TRRAP: variants seen among roughly 807,000 people sequenced by gnomAD.
The protein encoded by TRRAP is transformation/transcription domain associated protein.
TRRAP carries 41 observed loss-of-function variants against 438.8 expected under a neutral mutation model. The observed-to-expected ratio is 0.09, with a 90% CI of 0.07 to 0.12. The LOEUF (loss-of-function observed/expected upper bound fraction) is 0.12, where lower values mean the gene tolerates loss of function less well. Among genes scored for constraint, TRRAP ranks in the 10% least tolerant of loss-of-function variants. The pLI is 1.00. For missense variants in TRRAP, 3,122 were observed against 5,055.1 expected, an observed-to-expected ratio of 0.62 and a Z score of 11.60; for synonymous variants, 1,994 against 1,962.9, an observed-to-expected ratio of 1.02 and a Z score of -0.42.
At position 98,878,802 on chromosome 7, in the gene TRRAP, C is replaced by T. The variant is rs557934376; in HGVS notation, c.-62+165C>T. On this transcript the variant is annotated intron_variant, in intron 1 of 72. Coordinates refer to ENST00000456197, the MANE Select transcript of TRRAP (RefSeq NM_001375524.1). ...CCAGAGCCCACCTGGGGCTGCGGGG[C>T]CGATGGCGTTTGCGGCCGAGCTGAG... 3.9e-5 allele frequency among the ~76,000 whole-genome samples: 6 copies of T among 152,104 alleles called. No homozygotes were observed. The East Asian group carries it at 7.8e-4, about 20-fold the overall frequency.
In TRRAP at chr7:99,005,677, CTT is replaced by C. The variant is rs1794130289; in HGVS notation, c.10753+333_10753+334del. ...ACTTTCTTAGGACATTATGAGATTTCTTTTTCTTTTTTTTTTTCTTTTTTAGC... is the reference window on the plus strand; with the variant it reads ...ACTTTCTTAGGACATTATGAGATTTCTTTCTTTTTTTTTTTCTTTTTTAGC... On this transcript the variant is annotated intron_variant, in intron 69 of 72. Transcript: ENST00000456197. This position sits in a 1 kb window ranked among gnomAD's most constrained non-coding sequence, Gnocchi z 5.1. 6.8e-6 allele frequency among the ~76,000 whole-genome samples: 1 copy of C among 147,986 alleles called. No homozygotes were observed.
intron 67 of TRRAP, among the ~76,000 whole-genome samples, chr7:98,996,819 A>T (rs1324871052): frequency 6.6e-6 from 1 of 152,196 alleles, no homozygotes; most frequent in Admixed American, 6.5e-5. Flanking sequence ...CAGTTTAAAA[A>T]TGTGATTAGT....
At chr7:98,979,386 A>G (rs1792811811) in intron 58 of TRRAP, among the ~76,000 whole-genome samples, 1 of 152,188 alleles carries the variant, frequency 6.6e-6, no homozygotes, top group African/African-American at 2.4e-5. Flanking sequence ...TAGGTTACTT[A>G]CAGTACCTAA....
intron 53 of TRRAP, among the ~76,000 whole-genome samples, chr7:98,975,302 A>C (rs1792606340): frequency 6.6e-6 from 1 of 152,220 alleles, no homozygotes; most frequent in African/African-American, 2.4e-5. Context: ...AGGACAAATG[A>C]AAGCATAATC....
At chr7:98,977,783 G>C (rs189071724) in intron 56 of TRRAP, among the ~76,000 whole-genome samples, 1 of 152,228 alleles carries the variant, frequency 6.6e-6, no homozygotes, top group Non-Finnish European at 1.5e-5. Flanking sequence ...TGGCCTTGCG[G>C]CTCCTGCTCC....
chr7:98,980,881 C>T (rs1212913596), intron 58 of TRRAP, among the ~76,000 whole-genome samples: 3 of 152,002 alleles, frequency 2.0e-5, no homozygotes, highest in African/African-American at 7.2e-5. Context: ...GCAAGACCCC[C>T]GTTTCTACAA....
chr7:98,923,411 A>G (rs1554410956), intron 21 of TRRAP, among the ~76,000 whole-genome samples: 5 of 152,146 alleles, frequency 3.3e-5, no homozygotes, highest in Non-Finnish European at 4.4e-5. Flanking sequence ...GCTGCAGCAC[A>G]CCTGGTATAG....
At chr7:98,913,971 G>C (rs6465731) in intron 18 of TRRAP, among the ~76,000 whole-genome samples, 135,521 of 152,274 alleles carry the variant, frequency 0.89, 60,400 homozygotes, top group South Asian at 0.94. Flanking sequence ...TAAATAAGAT[G>C]TGTGCATTTG....
Position 98,910,252 on chromosome 7 carries a change from C to T in TRRAP, c.1547C>T (p.Ala516Val). Residue 516 changes from alanine (A) to valine (V), a missense_variant, in exon 15 of 73, where the codon GCC (alanine) becomes GTC (valine). Transcript: ENST00000456197. ...PPPPPPPPPP[A>V]TPVTPAPVPP... ...CCACCCCCGCCCCCACCCCCACCTG[C>T]CACCCCTGTGACCCCGGCCCCCGTG... The T allele has an allele frequency of 6.5e-7, 1 of 1,545,332 alleles. No homozygotes were observed. Among genetic ancestry groups the T allele is most frequent in the Non-Finnish European group, 8.7e-7 (1 of 1,153,086 alleles).
rs1008697888 is a variant in TRRAP, at chr7:98,983,257, C to T, written c.8827-7C>T. 8 of 1,608,184 alleles carry T rather than the reference C, an allele frequency of 5.0e-6. No homozygotes were observed. The highest frequency in any genetic ancestry group is 1.3e-5 in the African/African-American group (1 of 74,806). Reference sequence around the variant, plus strand: ...TACCGCAGAGTCTCTTATGCTGGTCCCATCAGGCAGCCCAGCAAATCATCG... The same window carrying T: ...TACCGCAGAGTCTCTTATGCTGGTCTCATCAGGCAGCCCAGCAAATCATCG... On this transcript the variant is annotated splice_region_variant and splice_polypyrimidine_tract_variant and intron_variant, in intron 59 of 72. Transcript: ENST00000456197.
intron 19 of TRRAP, among the ~76,000 whole-genome samples, chr7:98,916,972 A>G (rs1789545170): frequency 6.6e-6 from 1 of 152,024 alleles, no homozygotes; most frequent in Non-Finnish European, 1.5e-5. Flanking sequence ...TCTCAGTGGC[A>G]CTGTCTCAGG....
intron 57 of TRRAP, 145 bp downstream of exon 57, chr7:98,978,468 C>A: frequency 1.3e-6 from 1 of 789,764 alleles, no homozygotes. Context: ...AACCCAAAAC[C>A]AGCATTTAAA....
At position 98,944,051 on chromosome 7, in the gene TRRAP, C is replaced by T. The variant is rs187191509; in HGVS notation, c.4473+1034C>T. Among the ~76,000 whole-genome samples the T allele has an allele frequency of 1.3e-3, 198 of 152,242 alleles. 1 individual carries two copies. Among genetic ancestry groups the T allele is most frequent in the African/African-American group, 4.5e-3 (186 of 41,542 alleles). On this transcript the variant is annotated intron_variant, in intron 31 of 72. Coordinates refer to ENST00000456197, the MANE Select transcript of TRRAP (RefSeq NM_001375524.1). The stretch of plus-strand genomic sequence containing the variant: ...ATTTTTTTAAAGAAGTGATATGCCA[C>T]GCATGACCCTGTTAAAGGTTTGCTG...
At chr7:98,898,991 C>T (rs1796351037) in intron 8 of TRRAP, among the ~76,000 whole-genome samples, 2 of 152,124 alleles carry the variant, frequency 1.3e-5, no homozygotes. Context: ...AGTTTGAGAC[C>T]AGCCTGGCCA....
Position 98,915,891 on chromosome 7 carries a change from C to T in TRRAP, c.2365+3C>T, listed in dbSNP as rs1554409511. Reference sequence around the variant, plus strand: ...TCTCCTTCCAAACCTCCTGCAAGGTCAGAGCAGTGACTTTGGTTGCCTTTT... The same window carrying T: ...TCTCCTTCCAAACCTCCTGCAAGGTTAGAGCAGTGACTTTGGTTGCCTTTT... On this transcript the variant is annotated splice_donor_region_variant and intron_variant, in intron 19 of 72. Coordinates refer to ENST00000456197, the MANE Select transcript of TRRAP (RefSeq NM_001375524.1). 1.1e-5 allele frequency: 17 copies of T among 1,614,068 alleles called. No homozygotes were observed. The highest frequency in any genetic ancestry group is 1.1e-5 in the South Asian group (1 of 91,052).
chr7:98,972,365 A>G (rs999874675), intron 53 of TRRAP, among the ~76,000 whole-genome samples: 1 of 152,224 alleles, frequency 6.6e-6, no homozygotes. Flanking sequence ...TATAGGAGAA[A>G]ATAGGAAAAA....
rs202193551 is a variant in TRRAP, at chr7:98,910,162, G to C, written c.1457G>C (p.Gly486Ala). ...GGAGCCGTGGAAGCAGCTCTGCCTG[G>C]GGTGCCCACTGCCCCTGCAGCTCCT... ...ELGAVEAALP[G>A]VPTAPAAPGP... is the part of the protein sequence containing the mutation. The change falls in exon 15 of 73, where the codon GGG becomes GCG. Residue 486 changes from glycine to alanine, a missense_variant. Coordinates refer to ENST00000456197, the MANE Select transcript of TRRAP (RefSeq NM_001375524.1). 9 of 1,612,378 alleles carry C rather than the reference G, an allele frequency of 5.6e-6. No homozygotes were observed. The Admixed American group carries it at 1.0e-4, about 18-fold the overall frequency.
chr7:98,893,072 C>T (rs1796045968), intron 5 of TRRAP, among the ~76,000 whole-genome samples: 1 of 152,132 alleles, frequency 6.6e-6, no homozygotes, highest in African/African-American at 2.4e-5. Context: ...ATGCCTCAAC[C>T]TCCCGAGTAG....
At chr7:98,969,452 CTG>C (rs1562964973) in intron 51 of TRRAP, among the ~76,000 whole-genome samples, 10 of 152,262 alleles carry the variant, frequency 6.6e-5, no homozygotes, top group African/African-American at 2.4e-4. Flanking sequence ...ACATGCCTGG[CTG>C]TGTCCTTCCC....
Sources: gnomAD v4.1 joint callset for allele counts (sites outside exome capture counted in the v4.1 genomes callset) on GRCh38, gnomAD v4.1.1 for gene constraint, Gnocchi (gnomAD v3.1) non-coding constraint, MANE v1.5 for transcripts, NCBI Gene and HGNC (gene_info 2026-07-23, HGNC 2026-07-21) for gene names.